USH2A: variants seen among roughly 807,000 people sequenced by gnomAD.
USH2A encodes the protein Usher syndrome 2A (autosomal recessive, mild).
In USH2A, 443 loss-of-function variants were observed where a neutral mutation model predicts 538.9. The observed-to-expected ratio is 0.82, with a 90% CI of 0.76 to 0.89. The LOEUF is 0.89. Among genes scored for constraint, USH2A ranks in the 40% least tolerant of loss-of-function variants. The pLI is 0.00. For missense variants in USH2A, 6,633 were observed against 6,324.8 expected, an observed-to-expected ratio of 1.05 and a Z score of -1.65; for synonymous variants, 2,413 against 2,273.5, an observed-to-expected ratio of 1.06 and a Z score of -1.75.
At chr1:215,915,659 C>T (rs930094419) in intron 38 of USH2A, among the ~76,000 whole-genome samples, 9 of 152,166 alleles carry the variant, frequency 5.9e-5, no homozygotes, top group Middle Eastern at 3.4e-3. Context: ...ACTAGAAATA[C>T]TATTTGACCC....
intron 6 of USH2A, among the ~76,000 whole-genome samples, chr1:216,324,779 T>C (rs1445671229): frequency 5.9e-5 from 9 of 152,194 alleles, no homozygotes; most frequent in African/African-American, 1.9e-4. Context: ...ATTTTTATTG[T>C]ATACATTATA....
chr1:216,323,825 T>G (rs2037668799), intron 7 of USH2A, 130 bp from the exon 8 acceptor site: 1 of 857,758 alleles, frequency 1.2e-6, no homozygotes, highest in Non-Finnish European at 1.9e-6. Context: ...AAAAGCATAT[T>G]CCATATATTT....
intron 63 of USH2A, among the ~76,000 whole-genome samples, chr1:215,673,636 A>G (rs996888746): frequency 6.6e-6 from 1 of 152,224 alleles, no homozygotes; most frequent in East Asian, 1.9e-4. Flanking sequence ...GCTGGATTTG[A>G]TAAGAAGGCT....
At chr1:216,247,455 T>A (rs972746833) in intron 12 of USH2A, among the ~76,000 whole-genome samples, 2 of 152,218 alleles carry the variant, frequency 1.3e-5, no homozygotes, top group Admixed American at 6.5e-5. Flanking sequence ...AATTATTACT[T>A]AATGCAAAGA....
intron 44 of USH2A, among the ~76,000 whole-genome samples, chr1:215,847,003 T>G (rs1340505380): frequency 6.6e-6 from 1 of 152,228 alleles, no homozygotes; most frequent in Non-Finnish European, 1.5e-5. Context: ...GTTTCTATAA[T>G]GTAGAGAAGC....
intron 61 of USH2A, among the ~76,000 whole-genome samples, chr1:215,693,214 G>A (rs757994075): frequency 6.6e-6 from 1 of 151,444 alleles, no homozygotes; most frequent in Non-Finnish European, 1.5e-5. Context: ...CTCCTGGGCT[G>A]AAGCAATCCA....
At chr1:215,789,818 C>A (rs1661929387) in intron 51 of USH2A, among the ~76,000 whole-genome samples, 2 of 152,098 alleles carry the variant, frequency 1.3e-5, no homozygotes, top group African/African-American at 4.8e-5. Flanking sequence ...TTCAGTCCTG[C>A]ACTAATCTGA....
At chr1:215,806,451 CT>C (rs1259628829) in intron 49 of USH2A, among the ~76,000 whole-genome samples, 1 of 152,054 alleles carries the variant, frequency 6.6e-6, no homozygotes, top group Non-Finnish European at 1.5e-5. Context: ...ACATCTCTGA[CT>C]TTGAATGTGT....
chr1:215,884,850 G>A (rs935917954), intron 41 of USH2A, among the ~76,000 whole-genome samples: 2 of 152,108 alleles, frequency 1.3e-5, no homozygotes, highest in Non-Finnish European at 1.5e-5. Flanking sequence ...TCCTTGTGGC[G>A]CACCTGCCAA....
intron 46 of USH2A, among the ~76,000 whole-genome samples, chr1:215,843,660 C>T (rs1378252973): frequency 1.3e-5 from 2 of 152,158 alleles, no homozygotes; most frequent in Non-Finnish European, 2.9e-5. Flanking sequence ...ACCACAATTG[C>T]TCTCACATAT....
At chr1:215,673,125 C>T (rs576976343) in intron 63 of USH2A, among the ~76,000 whole-genome samples, 1 of 152,270 alleles carries the variant, frequency 6.6e-6, no homozygotes, top group East Asian at 1.9e-4. Flanking sequence ...TGTGGATTAG[C>T]TGCAGAGGAT....
chr1:216,092,152 C>A (rs2032317788), intron 22 of USH2A, among the ~76,000 whole-genome samples: 1 of 152,040 alleles, frequency 6.6e-6, no homozygotes, highest in Non-Finnish European at 1.5e-5. Context: ...AGTATCCTAC[C>A]AACAGTTATT....
intron 32 of USH2A, among the ~76,000 whole-genome samples, chr1:216,017,778 A>G (rs1202766475): frequency 6.6e-6 from 1 of 152,188 alleles, no homozygotes; most frequent in African/African-American, 2.4e-5. Context: ...TGCTAAGTCT[A>G]TTGTCAGCTT....
chr1:216,386,576 G>T, intron 3 of USH2A, among the ~76,000 whole-genome samples: 1 of 146,082 alleles, frequency 6.8e-6, no homozygotes, highest in Non-Finnish European at 1.5e-5. Flanking sequence ...TGCTGGGTGT[G>T]GTGTCTCATG....
At chr1:216,378,771 G>A (rs543746728) in intron 3 of USH2A, among the ~76,000 whole-genome samples, 3 of 151,560 alleles carry the variant, frequency 2.0e-5, no homozygotes, top group East Asian at 1.9e-4. Flanking sequence ...CACTGCATTC[G>A]TCTCAACATC....
chr1:216,096,442 A>C (rs910360914), intron 22 of USH2A, among the ~76,000 whole-genome samples: 1 of 152,232 alleles, frequency 6.6e-6, no homozygotes, highest in Non-Finnish European at 1.5e-5. Flanking sequence ...TCTTGTCCTG[A>C]CCAACTTTTC....
intron 9 of USH2A, among the ~76,000 whole-genome samples, chr1:216,293,857 T>C (rs1428521006): frequency 1.3e-5 from 2 of 152,208 alleles, no homozygotes; most frequent in Non-Finnish European, 2.9e-5. Flanking sequence ...TGTTATTTTA[T>C]GTGGTAATTT....
chr1:215,824,677 C>T (rs12062021), intron 47 of USH2A, among the ~76,000 whole-genome samples: 5,575 of 152,222 alleles, frequency 0.037, 368 homozygotes, highest in African/African-American at 0.13. Context: ...TGGATGTCCT[C>T]ACAGAGATAG....
chr1:215,877,254 A>ACTGAATGTCT (rs1664795430), intron 43 of USH2A, among the ~76,000 whole-genome samples: 1 of 152,152 alleles, frequency 6.6e-6, no homozygotes, highest in Non-Finnish European at 1.5e-5. Context: ...ACTGTCACCT[A>ACTGAATGTCT]TTAGCCTTTA....
Sources: allele counts gnomAD v4.1 joint callset (sites outside exome capture counted in the v4.1 genomes callset), GRCh38; gene constraint gnomAD v4.1.1; transcripts MANE v1.5; gene names NCBI Gene and HGNC (gene_info 2026-07-23, HGNC 2026-07-21).